GGTA1: variants seen among roughly 807,000 people sequenced by gnomAD.
GGTA1 encodes the protein glycoprotein alpha-galactosyltransferase 1 (inactive).
A neutral mutation model predicts 2.6 loss-of-function variants in GGTA1; 5 were observed. The observed-to-expected ratio is 1.92, with a 90% CI of 1.00 to 4.04. The LOEUF (loss-of-function observed/expected upper bound fraction) is 4.04, where lower values mean the gene tolerates loss of function less well. GGTA1 is among the 30% of genes most tolerant of loss of function. The pLI is 0.00. For missense variants in GGTA1, 50 were observed against 16.7 expected, an observed-to-expected ratio of 2.99 and a Z score of -3.47; for synonymous variants, 17 against 5.0, an observed-to-expected ratio of 3.38 and a Z score of -3.19.
intron 2 of GGTA1, among the ~76,000 whole-genome samples, chr9:121,466,501 A>G (rs377061720): frequency 6.6e-6 from 1 of 152,202 alleles, no homozygotes; most frequent in East Asian, 1.9e-4. Context: ...GCAGAATGAA[A>G]CAAAGCAACA....
At chr9:121,461,491 T>C (rs2064960550) in intron 3 of GGTA1, among the ~76,000 whole-genome samples, 174 bp from the exon 4 acceptor site, 1 of 152,160 alleles carries the variant, frequency 6.6e-6, no homozygotes, top group South Asian at 2.1e-4. Flanking sequence ...AGAACAGACC[T>C]GAGACTCCCT....
chr9:121,450,822 C>G (rs936288183), downstream of GGTA1, among the ~76,000 whole-genome samples: 2 of 152,138 alleles, frequency 1.3e-5, no homozygotes, highest in Non-Finnish European at 2.9e-5. Context: ...ACATAGGTCC[C>G]TAGGATCAGC....
intron 1 of GGTA1, among the ~76,000 whole-genome samples, chr9:121,480,970 G>A (rs1454477206): frequency 1.3e-5 from 2 of 151,696 alleles, no homozygotes; most frequent in Non-Finnish European, 2.9e-5. Context: ...TGGCTAACAC[G>A]GTGAAATCCC....
intron 1 of GGTA1, among the ~76,000 whole-genome samples, chr9:121,484,440 T>A (rs182721991): frequency 2.3e-4 from 35 of 152,076 alleles, no homozygotes; most frequent in African/African-American, 7.5e-4. Flanking sequence ...CCCACTACCA[T>A]GCCCAGCTAA....
chr9:121,491,949 G>A (rs1293387091), intron 1 of GGTA1, among the ~76,000 whole-genome samples: 1 of 152,152 alleles, frequency 6.6e-6, no homozygotes, highest in Non-Finnish European at 1.5e-5. Context: ...CTCCATGTGG[G>A]CAGGAATTGT....
chr9:121,462,483 TG>T lies in GGTA1; in HGVS notation c.116+809del, dbSNP rs1465347944. On this transcript the variant is annotated intron_variant, in intron 3 of 5. Coordinates refer to ENST00000481799, the MANE Select transcript of GGTA1 (RefSeq NM_001382585.1). ...ATCTGTTTTAAAGCCTATTAACTCT[TG>T]GAAGTGTTTGAGATGGCTTCCAATA... is the stretch of plus-strand genomic sequence containing the variant. 1.3e-3 allele frequency among the ~76,000 whole-genome samples: 197 copies of T among 152,292 alleles called. 1 individual carries two copies. The highest frequency in any genetic ancestry group is 4.5e-3 in the African/African-American group (188 of 41,568).
At chr9:121,489,962 T>G (rs182750031) in intron 1 of GGTA1, among the ~76,000 whole-genome samples, 1 of 152,334 alleles carries the variant, frequency 6.6e-6, no homozygotes, top group African/African-American at 2.4e-5. Context: ...GTATCAAGGG[T>G]CTGTAAGATG....
At chr9:121,499,575 T>C (rs1339675970) in intron 1 of GGTA1, 75 bp downstream of exon 1, 1 of 152,266 alleles carries the variant, frequency 6.6e-6, no homozygotes, top group Non-Finnish European at 1.5e-5. Flanking sequence ...CACCACCCTC[T>C]CCCAAGCGCG....
chr9:121,452,767 C>T (rs963705798), downstream of GGTA1, among the ~76,000 whole-genome samples: 7 of 152,202 alleles, frequency 4.6e-5, no homozygotes, highest in Admixed American at 3.9e-4. Context: ...GATCCGCCAG[C>T]TTCAGCCTAC....
intron 1 of GGTA1, among the ~76,000 whole-genome samples, chr9:121,471,479 T>C (rs1828387432): frequency 6.6e-6 from 1 of 152,242 alleles, no homozygotes; most frequent in Admixed American, 6.5e-5. Flanking sequence ...CAGGTCATTT[T>C]CCAATTCTTT....
intron 1 of GGTA1, among the ~76,000 whole-genome samples, chr9:121,488,214 A>T (rs1184284330): frequency 6.6e-6 from 1 of 151,942 alleles, no homozygotes; most frequent in Non-Finnish European, 1.5e-5. Context: ...TTCAGACATG[A>T]TCATAGCACA....
intron 5 of GGTA1, among the ~76,000 whole-genome samples, chr9:121,457,527 C>T (rs1241713888): frequency 6.6e-6 from 1 of 151,918 alleles, no homozygotes; most frequent in East Asian, 2.0e-4. Flanking sequence ...GATGAAACCC[C>T]GTCTCTAATA....
chr9:121,463,942 T>G (rs1185035230), intron 2 of GGTA1, among the ~76,000 whole-genome samples: 1 of 152,138 alleles, frequency 6.6e-6, no homozygotes, highest in African/African-American at 2.4e-5. Context: ...CCAAAAGCAT[T>G]TCTTTAACTA....
intron 1 of GGTA1, among the ~76,000 whole-genome samples, chr9:121,485,698 A>C (rs1828743010): frequency 6.6e-6 from 1 of 152,130 alleles, no homozygotes; most frequent in African/African-American, 2.4e-5. Context: ...AGCACACACA[A>C]AGACCTTTGG....
chr9:121,458,319 C>G (rs894473697), intron 5 of GGTA1, among the ~76,000 whole-genome samples: 1 of 151,958 alleles, frequency 6.6e-6, no homozygotes, highest in Admixed American at 6.6e-5. Flanking sequence ...CCACTTCAAA[C>G]CAACATTCTT....
chr9:121,489,382 G>C (rs1828827419), intron 1 of GGTA1, among the ~76,000 whole-genome samples: 1 of 152,052 alleles, frequency 6.6e-6, no homozygotes. Flanking sequence ...ATTTTCTTTA[G>C]AGGTGAGGTC....
intron 4 of GGTA1, among the ~76,000 whole-genome samples, chr9:121,460,911 A>T (rs988516126): frequency 2.6e-5 from 4 of 152,010 alleles, no homozygotes; most frequent in Non-Finnish European, 4.4e-5. Flanking sequence ...CTGAAACAAA[A>T]CAAAACAAAA....
In GGTA1 at chr9:121,455,787, A is replaced by C. The variant is rs189438124; in HGVS notation, c.*50T>G. The C allele has an allele frequency of 1.6e-4, 71 of 453,624 alleles. No homozygotes were observed. Among genetic ancestry groups the C allele is most frequent in the African/African-American group, 1.2e-3 (62 of 50,118 alleles). 28.1% of individuals were successfully genotyped at this position (453,624 alleles called of 1,614,324 possible). A position where few individuals can be genotyped will look rare whatever the true frequency, so the allele number is the denominator to read the frequency against. On this transcript the variant is annotated 3_prime_UTR_variant, in exon 6 of 6. Transcript: ENST00000481799. ...CATGATCTCTCAGTCCAGGTCTTCT[A>C]GAAGGACTGAGTCAGAAAACCAGAG...
chr9:121,464,224 C>T (rs2064985061), intron 2 of GGTA1, among the ~76,000 whole-genome samples: 1 of 152,094 alleles, frequency 6.6e-6, no homozygotes, highest in East Asian at 1.9e-4. Context: ...ATGATCCTAG[C>T]ACAGTGCCTG....
Sources: gnomAD v4.1 joint callset for allele counts (sites outside exome capture counted in the v4.1 genomes callset) on GRCh38, gnomAD v4.1.1 for gene constraint, MANE v1.5 for transcripts, NCBI Gene and HGNC (gene_info 2026-07-23, HGNC 2026-07-21) for gene names.